The following LHFPL3 variants were observed in gnomAD, a reference collection of about 807,000 sequenced individuals.
The protein encoded by LHFPL3 is LHFPL tetraspan subfamily member 3 protein.
LHFPL3 carries 5 observed loss-of-function variants against 19.3 expected under a neutral mutation model. The ratio of observed to expected loss-of-function variants is 0.26; its 90% confidence interval spans 0.14 to 0.54. The LOEUF is 0.54. Among genes scored for constraint, LHFPL3 ranks in the 20% least tolerant of loss-of-function variants. The pLI is 0.94. For missense variants in LHFPL3, 249 were observed against 307.4 expected (o/e 0.81, Z 1.42); for synonymous variants, 133 against 126.2 (o/e 1.05, Z -0.36).
At chr7:104,347,274 A>G (rs1002965691) in intron 1 of LHFPL3, among the ~76,000 whole-genome samples, 1 of 152,020 alleles carries the variant, frequency 6.6e-6, no homozygotes, top group Non-Finnish European at 1.5e-5. Context: ...AATCATGCAC[A>G]TTTTGGTGTT....
At chr7:104,637,575 G>C (rs79952604) in intron 1 of LHFPL3, among the ~76,000 whole-genome samples, 1 of 152,096 alleles carries the variant, frequency 6.6e-6, no homozygotes, top group Admixed American at 6.6e-5. Context: ...TACGGAAAGA[G>C]TTCAGTTTCA....
At chr7:104,658,932 C>G (rs1792170568) in intron 1 of LHFPL3, among the ~76,000 whole-genome samples, 1 of 152,152 alleles carries the variant, frequency 6.6e-6, no homozygotes. Flanking sequence ...TTGGGAAAAG[C>G]TGGAAGAGAT....
chr7:104,560,986 G>A (rs1294188396), intron 1 of LHFPL3, among the ~76,000 whole-genome samples: 2 of 150,188 alleles, frequency 1.3e-5, no homozygotes, highest in African/African-American at 5.0e-5. Context: ...ATGTAGTTGA[G>A]CAGTTTTGAG....
chr7:104,627,519 A>T (rs1048432068), intron 1 of LHFPL3, among the ~76,000 whole-genome samples: 1 of 152,176 alleles, frequency 6.6e-6, no homozygotes, highest in African/African-American at 2.4e-5. Context: ...CAAGAAAGGT[A>T]TGCAATTTCT....
At chr7:104,348,512 G>C (rs959777354) in intron 1 of LHFPL3, among the ~76,000 whole-genome samples, 1 of 152,180 alleles carries the variant, frequency 6.6e-6, no homozygotes, top group Non-Finnish European at 1.5e-5. Context: ...GGCTTACCTT[G>C]ACTAGGAAAA....
chr7:104,625,797 T>C (rs1791533106), intron 1 of LHFPL3, among the ~76,000 whole-genome samples: 1 of 152,216 alleles, frequency 6.6e-6, no homozygotes, highest in African/African-American at 2.4e-5. Context: ...AACTCTTCCT[T>C]GGGGTCTTTT....
At chr7:104,542,414 C>T (rs1011986946) in intron 1 of LHFPL3, among the ~76,000 whole-genome samples, 1 of 152,146 alleles carries the variant, frequency 6.6e-6, no homozygotes, top group Admixed American at 6.5e-5. Context: ...GGAGTTCTCT[C>T]ATCTTCTGAT....
chr7:104,736,971 C>A, intron 2 of LHFPL3, 60 bp downstream of exon 2: 1 of 1,303,768 alleles, frequency 7.7e-7, no homozygotes. Flanking sequence ...ATGGTGCTCT[C>A]CATTCTTTCC....
intron 1 of LHFPL3, among the ~76,000 whole-genome samples, chr7:104,490,068 G>A (rs750801453): frequency 6.6e-6 from 1 of 152,308 alleles, no homozygotes; most frequent in Non-Finnish European, 1.5e-5. Flanking sequence ...CTCTGTGCCT[G>A]TCTCATCATT....
chr7:104,550,727 T>C (rs996278851), intron 1 of LHFPL3, among the ~76,000 whole-genome samples: 2 of 152,150 alleles, frequency 1.3e-5, no homozygotes, highest in African/African-American at 2.4e-5. Context: ...ACCAGCTCCA[T>C]TGAAACCTAT....
At chr7:104,841,354 C>T (rs148848915) in intron 2 of LHFPL3, among the ~76,000 whole-genome samples, 3 of 152,240 alleles carry the variant, frequency 2.0e-5, no homozygotes, top group Non-Finnish European at 2.9e-5. Context: ...CTGCATAAAG[C>T]CCATCTTCAC....
chr7:104,495,453 A>G (rs778953436), intron 1 of LHFPL3, among the ~76,000 whole-genome samples: 22 of 152,048 alleles, frequency 1.4e-4, no homozygotes, highest in Non-Finnish European at 2.5e-4. Flanking sequence ...GCACAATCTC[A>G]GCTCACTGCA....
chr7:104,418,474 G>T (rs563542494), intron 1 of LHFPL3, among the ~76,000 whole-genome samples: 6 of 152,266 alleles, frequency 3.9e-5, no homozygotes, highest in African/African-American at 4.8e-5. Flanking sequence ...TGAGGCTGCA[G>T]CAAGCTATGA....
At chr7:104,854,528 A>G (rs1377055270) in intron 2 of LHFPL3, among the ~76,000 whole-genome samples, 1 of 152,178 alleles carries the variant, frequency 6.6e-6, no homozygotes, top group African/African-American at 2.4e-5. Context: ...GTAACTTCCT[A>G]TATGCACAGG....
At chr7:104,467,821 T>A (rs757361577) in intron 1 of LHFPL3, among the ~76,000 whole-genome samples, 4 of 152,210 alleles carry the variant, frequency 2.6e-5, no homozygotes, top group African/African-American at 9.6e-5. Flanking sequence ...TTATTTATTT[T>A]CTCCTCTCCT....
At chr7:104,701,824 G>A (rs1284255472) in intron 1 of LHFPL3, among the ~76,000 whole-genome samples, 1 of 151,802 alleles carries the variant, frequency 6.6e-6, no homozygotes, top group African/African-American at 2.4e-5. Flanking sequence ...TTAGCTTTGG[G>A]AAATTCCATA....
intron 1 of LHFPL3, among the ~76,000 whole-genome samples, chr7:104,526,242 A>G (rs1346354195): frequency 6.6e-6 from 1 of 152,178 alleles, no homozygotes; most frequent in Non-Finnish European, 1.5e-5. Context: ...AACCACATGG[A>G]TTGGGGAAAA....
rs149964139 is a variant in LHFPL3 at position 104,635,662 on chromosome 7, C to G, written c.446-101013C>G. Among the ~76,000 whole-genome samples, 49 of 152,208 alleles carry G rather than the reference C, an allele frequency of 3.2e-4. No homozygotes were observed. The South Asian group carries it at 6.8e-3, about 21-fold the overall frequency. On this transcript the variant is annotated intron_variant, in intron 1 of 2. Transcript: ENST00000424859. ...AAATTTATCTCTCTGTGCCATTTCT[C>G]AAGAAGTTACTGAAGAATGTGTCCT...
chr7:104,382,631 C>A (rs1463743401), intron 1 of LHFPL3, among the ~76,000 whole-genome samples: 1 of 152,176 alleles, frequency 6.6e-6, no homozygotes, highest in Non-Finnish European at 1.5e-5. Context: ...GTTTGAGTAC[C>A]ACTGACCTAG....
Sources: allele counts gnomAD v4.1 joint callset (sites outside exome capture counted in the v4.1 genomes callset), GRCh38; gene constraint gnomAD v4.1.1; transcripts MANE v1.5; gene names NCBI Gene and HGNC (gene_info 2026-07-23, HGNC 2026-07-21).